CNTNAP2: variants seen among roughly 807,000 people sequenced by gnomAD.
CNTNAP2 encodes contactin-associated protein-like 2.
CNTNAP2 carries 98 observed loss-of-function variants against 155.2 expected under a neutral mutation model. The ratio of observed to expected loss-of-function variants is 0.63; its 90% CI spans 0.54 to 0.75. CNTNAP2 has a LOEUF of 0.75. Among genes scored for constraint, CNTNAP2 ranks in the 30% least tolerant of loss-of-function variants. The pLI, the probability that CNTNAP2 is intolerant of heterozygous loss-of-function variation, is 0.00. For synonymous variants in CNTNAP2, 651 were observed against 631.2 expected, an observed-to-expected ratio of 1.03 and a Z score of -0.47; for missense variants, 1,727 against 1,688.1, an observed-to-expected ratio of 1.02 and a Z score of -0.40.
chr7:147,120,876 G>A (rs1288006998), intron 5 of CNTNAP2, 103 bp from the exon 6 acceptor site: 8 of 1,045,278 alleles, frequency 7.7e-6, no homozygotes, highest in Non-Finnish European at 1.2e-5. Flanking sequence ...ATAGAGCTTT[G>A]ATGGAATGTC....
intron 14 of CNTNAP2, among the ~76,000 whole-genome samples, chr7:147,930,076 G>C (rs982582313): frequency 2.6e-5 from 4 of 151,922 alleles, no homozygotes; most frequent in Non-Finnish European, 5.9e-5. Context: ...ACTGGTACCG[G>C]TCCATAGCCT....
intron 13 of CNTNAP2, among the ~76,000 whole-genome samples, chr7:147,806,672 A>C (rs1304352026): frequency 6.6e-6 from 1 of 152,216 alleles, no homozygotes; most frequent in South Asian, 2.1e-4. Context: ...CAACCATAAA[A>C]AGAATGAAAT....
chr7:147,166,227 T>G (rs572959441), intron 8 of CNTNAP2, among the ~76,000 whole-genome samples: 76 of 152,262 alleles, frequency 5.0e-4, no homozygotes, highest in Non-Finnish European at 9.4e-4. Context: ...AGGAATTAAT[T>G]AATGGCACTC....
chr7:148,406,218 C>T (rs373746251), intron 22 of CNTNAP2, among the ~76,000 whole-genome samples: 6 of 134,888 alleles, frequency 4.4e-5, no homozygotes, highest in East Asian at 2.4e-4. Flanking sequence ...GGGGACACAG[C>T]GAGACTCCAT....
At chr7:147,337,004 A>C (rs1226245112) in intron 9 of CNTNAP2, among the ~76,000 whole-genome samples, 1 of 152,180 alleles carries the variant, frequency 6.6e-6, no homozygotes, top group Non-Finnish European at 1.5e-5. Flanking sequence ...AATGTCCTCT[A>C]TATACTGCAG....
chr7:146,773,012 G>A (rs1802323898), intron 1 of CNTNAP2, among the ~76,000 whole-genome samples: 1 of 152,152 alleles, frequency 6.6e-6, no homozygotes. Context: ...CTGTAGCTAT[G>A]GAGTTGAAGT....
chr7:146,654,149 T>C (rs1197161347), intron 1 of CNTNAP2, among the ~76,000 whole-genome samples: 2 of 152,052 alleles, frequency 1.3e-5, no homozygotes, highest in African/African-American at 2.4e-5. Context: ...AGAACTCTAA[T>C]AACAATGATG....
chr7:146,764,052 G>A (rs10230326), intron 1 of CNTNAP2, among the ~76,000 whole-genome samples: 26,287 of 152,136 alleles, frequency 0.17, 3,862 homozygotes, highest in African/African-American at 0.4. Context: ...ATTGCTAAAT[G>A]CTAACTTTCA....
intron 1 of CNTNAP2, among the ~76,000 whole-genome samples, chr7:146,425,228 C>T (rs1796071249): frequency 6.6e-6 from 1 of 152,112 alleles, no homozygotes; most frequent in Non-Finnish European, 1.5e-5. Flanking sequence ...CTAACCCTTT[C>T]CTGATACTTG....
intron 1 of CNTNAP2, among the ~76,000 whole-genome samples, chr7:146,320,491 A>G (rs1800982357): frequency 6.6e-6 from 1 of 152,178 alleles, no homozygotes; most frequent in African/African-American, 2.4e-5. Context: ...GTACCTCTTG[A>G]AATGTTTCAT....
At chr7:148,075,735 C>T (rs1325181439) in intron 15 of CNTNAP2, among the ~76,000 whole-genome samples, 1 of 152,170 alleles carries the variant, frequency 6.6e-6, no homozygotes, top group African/African-American at 2.4e-5. Flanking sequence ...ATTTTCTGAA[C>T]TTGTTTTTAA....
intron 4 of CNTNAP2, among the ~76,000 whole-genome samples, chr7:147,068,979 C>T (rs1481807251): frequency 1.3e-5 from 2 of 152,142 alleles, no homozygotes; most frequent in Non-Finnish European, 2.9e-5. Flanking sequence ...CTGGTGAGAC[C>T]TCAGAAACTT....
At chr7:146,778,812 T>C (rs1350228155) in intron 2 of CNTNAP2, among the ~76,000 whole-genome samples, 2 of 152,224 alleles carry the variant, frequency 1.3e-5, no homozygotes, top group Non-Finnish European at 2.9e-5. Flanking sequence ...GTACTTCATA[T>C]GCCTTTTGTA....
At chr7:147,906,257 C>T (rs189294963) in intron 14 of CNTNAP2, among the ~76,000 whole-genome samples, 1 of 151,842 alleles carries the variant, frequency 6.6e-6, no homozygotes, top group African/African-American at 2.4e-5. Flanking sequence ...AGTGGCAAAA[C>T]CTCGGCCCAC....
intron 1 of CNTNAP2, among the ~76,000 whole-genome samples, chr7:146,554,633 G>T (rs1298984919): frequency 6.6e-6 from 1 of 152,178 alleles, no homozygotes; most frequent in Non-Finnish European, 1.5e-5. Context: ...GCTTTCTGAG[G>T]AGTGTTTGTT....
chr7:147,858,225 G>A (rs555266466), intron 13 of CNTNAP2, among the ~76,000 whole-genome samples: 59 of 152,236 alleles, frequency 3.9e-4, no homozygotes, highest in African/African-American at 1.3e-3. Flanking sequence ...TATCTGGGAT[G>A]ACAGGCGCCT....
Position 146,147,030 on chromosome 7 carries a change from T to A in CNTNAP2, c.97+30057T>A, listed in dbSNP as rs142286504. ...AACTGTCTTTAAAAGAAAGAAGCTG[T>A]GTAAACATTGAATACAGACTTTAAT... On this transcript the variant is annotated intron_variant, in intron 1 of 23. Coordinates refer to ENST00000361727, the MANE Select transcript of CNTNAP2 (RefSeq NM_014141.6). 2.3e-4 allele frequency among the ~76,000 whole-genome samples: 35 copies of A among 152,314 alleles called. No homozygotes were observed. The East Asian group carries it at 5.4e-3, about 24-fold the overall frequency.
At chr7:148,190,597 G>A (rs1157103381) in intron 18 of CNTNAP2, 1 of 152,154 alleles carries the variant, frequency 6.6e-6, no homozygotes, top group Non-Finnish European at 1.5e-5. Context: ...AGATTTATTT[G>A]GGGAATTGGC....
intron 3 of CNTNAP2, among the ~76,000 whole-genome samples, chr7:146,857,439 G>A (rs1169200743): frequency 6.6e-6 from 1 of 151,990 alleles, no homozygotes; most frequent in Non-Finnish European, 1.5e-5. Context: ...GTTTTAACAG[G>A]GTATTCTTTC....
Sources: allele counts gnomAD v4.1 joint callset (sites outside exome capture counted in the v4.1 genomes callset), GRCh38; gene constraint gnomAD v4.1.1; transcripts MANE v1.5; gene names NCBI Gene and HGNC (gene_info 2026-07-23, HGNC 2026-07-21).